CSMD1: variants seen among roughly 807,000 people sequenced by gnomAD.
CSMD1 encodes CUB and sushi domain-containing protein 1.
A neutral mutation model predicts 417.5 loss-of-function variants in CSMD1; 213 were observed. The observed-to-expected ratio is 0.51, with a 90% CI of 0.46 to 0.57. CSMD1 has a LOEUF of 0.57. Ranked by LOEUF, CSMD1 falls within the 20% of genes least tolerant of loss-of-function variation. The pLI is 0.00. For missense variants in CSMD1, 6,923 were observed against 4,529.7 expected, an observed-to-expected ratio of 1.53 and a Z score of -15.17; for synonymous variants, 2,862 against 1,736.8, an observed-to-expected ratio of 1.65 and a Z score of -16.11.
rs553393944 is a variant in CSMD1, at chr8:3,610,637, CTTCAA to C, written c.1097+6068_1097+6072del. On this transcript the variant is annotated intron_variant, in intron 8 of 69. Transcript: ENST00000635120. Reference sequence around the variant, plus strand: ...AAGCTACCAGTATAGATGACATTCACTTCAATTCAACTCAATTTTTCTTGTAACAT... The same window carrying C: ...AAGCTACCAGTATAGATGACATTCACTTCAACTCAATTTTTCTTGTAACAT... Among the ~76,000 whole-genome samples, 6 of 152,254 alleles carry C rather than the reference CTTCAA, an allele frequency of 3.9e-5. No homozygotes were observed. The South Asian group carries it at 8.3e-4, about 21-fold the overall frequency.
chr8:3,583,666 G>C (rs1179152067), intron 9 of CSMD1, among the ~76,000 whole-genome samples: 1 of 151,954 alleles, frequency 6.6e-6, no homozygotes, highest in Non-Finnish European at 1.5e-5. Context: ...ATCAGGGCTG[G>C]GTGATTTTGA....
At chr8:4,324,133 T>C (rs1436493819) in intron 3 of CSMD1, among the ~76,000 whole-genome samples, 2 of 152,224 alleles carry the variant, frequency 1.3e-5, no homozygotes, top group East Asian at 3.9e-4. Flanking sequence ...CCTTAACTGC[T>C]GCTGTGCAAT....
chr8:4,403,223 G>A (rs989867565), intron 3 of CSMD1, among the ~76,000 whole-genome samples: 1 of 152,082 alleles, frequency 6.6e-6, no homozygotes, highest in Non-Finnish European at 1.5e-5. Flanking sequence ...TTTTCCTTAT[G>A]AGAATATAAA....
chr8:3,431,157 T>A (rs912791505), intron 12 of CSMD1, among the ~76,000 whole-genome samples: 1 of 152,150 alleles, frequency 6.6e-6, no homozygotes, highest in African/African-American at 2.4e-5. Context: ...AGCAACTCTA[T>A]GGACTCTCTA....
At chr8:4,819,038 G>C (rs1049399546) in intron 1 of CSMD1, among the ~76,000 whole-genome samples, 9 of 152,032 alleles carry the variant, frequency 5.9e-5, no homozygotes, top group Non-Finnish European at 1.0e-4. Flanking sequence ...TAAATGGCTT[G>C]GAAGACACAG....
At chr8:4,173,699 CAAAT>C (rs1163373253) in intron 3 of CSMD1, among the ~76,000 whole-genome samples, 1 of 151,982 alleles carries the variant, frequency 6.6e-6, no homozygotes, top group East Asian at 1.9e-4. Context: ...CTGAATTACT[CAAAT>C]AATTCAGCAA....
intron 2 of CSMD1, among the ~76,000 whole-genome samples, chr8:4,561,921 A>C (rs1247761702): frequency 6.6e-6 from 1 of 152,174 alleles, no homozygotes; most frequent in Non-Finnish European, 1.5e-5. Context: ...CAGTTCATCC[A>C]CAAAGGCCAG....
rs930133965 is a variant in CSMD1, at chr8:4,732,742, A to G, written c.86-95184T>C. Reference sequence around the variant, plus strand: ...TACATCGTTTTTAACCCTTGGCTTGATAAAGACTAAGCAGGCATTTTATAG... The same window carrying G: ...TACATCGTTTTTAACCCTTGGCTTGGTAAAGACTAAGCAGGCATTTTATAG... On this transcript the variant is annotated intron_variant, in intron 1 of 69. Transcript: ENST00000635120. 3.9e-5 allele frequency among the ~76,000 whole-genome samples: 6 copies of G among 152,276 alleles called. 1 individual carries two copies. The Middle Eastern group carries it at 0.01, about 259-fold the overall frequency.
Position 4,170,462 on chromosome 8 carries a change from T to C in CSMD1, c.416-138363A>G, listed in dbSNP as rs190958316. ...AATACTTCCCCTTTTTCCTAATCTA[T>C]AGGTGCCTCTACTTCCTTCTGACTG... On this transcript the variant is annotated intron_variant, in intron 3 of 69. Coordinates refer to ENST00000635120, the MANE Select transcript of CSMD1 (RefSeq NM_033225.6). 2.7e-4 allele frequency among the ~76,000 whole-genome samples: 41 copies of C among 152,046 alleles called. 1 individual carries two copies. The highest frequency in any genetic ancestry group is 1.5e-3 in the South Asian group (7 of 4,824).
intron 6 of CSMD1, among the ~76,000 whole-genome samples, chr8:3,716,092 G>C (rs1386403191): frequency 6.6e-6 from 1 of 152,192 alleles, no homozygotes; most frequent in African/African-American, 2.4e-5. Flanking sequence ...ACTTCCTCCT[G>C]AAAGCACTTT....
At chr8:4,989,610 A>T (rs1484067264) in intron 1 of CSMD1, among the ~76,000 whole-genome samples, 1 of 152,248 alleles carries the variant, frequency 6.6e-6, no homozygotes, top group African/African-American at 2.4e-5. Flanking sequence ...CAACCAGAAG[A>T]CATACAAAAG....
Position 4,419,979 on chromosome 8 carries a change from G to T in CSMD1, c.389C>A (p.Ala130Asp). 1 of 1,584,950 alleles carries T rather than the reference G, an allele frequency of 6.3e-7. No homozygotes were observed. Among genetic ancestry groups the T allele is most frequent in the Non-Finnish European group, 8.6e-7 (1 of 1,164,240 alleles). ...TTCATATAATGCTTTGAAACCTTGG[G>T]CACTCACAGCGAAGTCTGTCGTGAA... ...LWFTTDFAVS[A>D]QGFKALYEVL... is the part of the protein sequence containing the mutation. Residue 130 changes from alanine (A) to aspartate (D), a missense_variant, in exon 3 of 70, where the codon GCC becomes GAC. Transcript: ENST00000635120.
chr8:4,479,214 A>T (rs1800958909), intron 2 of CSMD1, among the ~76,000 whole-genome samples: 2 of 152,224 alleles, frequency 1.3e-5, no homozygotes, highest in African/African-American at 4.8e-5. Context: ...CCCTGAGAAG[A>T]TACCCCTGGA....
chr8:3,534,999 G>A (rs1162532954), intron 10 of CSMD1, among the ~76,000 whole-genome samples: 1 of 152,186 alleles, frequency 6.6e-6, no homozygotes, highest in African/African-American at 2.4e-5. Context: ...CCAGGCTGGA[G>A]TGCAGTGGTG....
intron 3 of CSMD1, among the ~76,000 whole-genome samples, chr8:4,371,532 A>C (rs560096297): frequency 6.6e-6 from 1 of 152,210 alleles, no homozygotes; most frequent in African/African-American, 2.4e-5. Flanking sequence ...CAAAGAGACA[A>C]TATCGTTATA....
intron 1 of CSMD1, among the ~76,000 whole-genome samples, chr8:4,809,758 T>C (rs748018319): frequency 9.2e-5 from 14 of 152,200 alleles, no homozygotes; most frequent in Non-Finnish European, 1.8e-4. Flanking sequence ...TTGAGATAAT[T>C]CATGTTTTTT....
At chr8:3,779,945 T>C (rs183333170) in intron 5 of CSMD1, among the ~76,000 whole-genome samples, 1,632 of 152,350 alleles carry the variant, frequency 0.011, 11 homozygotes, top group Non-Finnish European at 0.018. Context: ...TTTAAATTGC[T>C]GAAAACTAAG....
chr8:4,303,054 G>C (rs372492501), intron 3 of CSMD1, among the ~76,000 whole-genome samples: 60 of 152,138 alleles, frequency 3.9e-4, no homozygotes, highest in African/African-American at 1.4e-3. Flanking sequence ...CACATACAAG[G>C]AAGTAGGTAT....
chr8:3,921,893 A>G (rs1362948066), intron 5 of CSMD1, among the ~76,000 whole-genome samples: 1 of 152,146 alleles, frequency 6.6e-6, no homozygotes, highest in Non-Finnish European at 1.5e-5. Flanking sequence ...TGTGTCTGTT[A>G]GGTCCATCTG....
Sources: allele counts gnomAD v4.1 joint callset (sites outside exome capture counted in the v4.1 genomes callset), GRCh38; gene constraint gnomAD v4.1.1; transcripts MANE v1.5; gene names NCBI Gene and HGNC (gene_info 2026-07-23, HGNC 2026-07-21).